The following FSTL5 variants were observed in gnomAD, a reference collection of about 807,000 sequenced individuals.
The protein encoded by FSTL5 is follistatin like 5.
A neutral mutation model predicts 89.1 loss-of-function variants in FSTL5; 62 were observed. That is an observed-to-expected ratio of 0.70 (90% CI 0.57 to 0.86). The LOEUF (loss-of-function observed/expected upper bound fraction) is 0.86, where lower values mean the gene tolerates loss of function less well. Ranked by LOEUF, FSTL5 falls within the 40% of genes least tolerant of loss-of-function variation. FSTL5 has a pLI of 0.00. For missense variants in FSTL5, 1,057 were observed against 1,001.6 expected (o/e 1.06, Z -0.75); for synonymous variants, 383 against 346.2 (o/e 1.11, Z -1.18).
intron 6 of FSTL5, among the ~76,000 whole-genome samples, chr4:161,721,818 T>C (rs564023910): frequency 6.6e-6 from 1 of 152,354 alleles, no homozygotes; most frequent in East Asian, 1.9e-4. Context: ...TAGAAATTCT[T>C]CAAACGCTTC....
At chr4:161,693,636 CT>C (rs5863476) in intron 6 of FSTL5, among the ~76,000 whole-genome samples, 1,136 of 105,262 alleles carry the variant, frequency 0.011, 3 homozygotes, top group South Asian at 0.045. Flanking sequence ...TCTTGTAAAT[CT>C]TTTTTTTTTT....
intron 7 of FSTL5, among the ~76,000 whole-genome samples, chr4:161,634,120 G>A (rs1184253576): frequency 6.6e-6 from 1 of 152,148 alleles, no homozygotes; most frequent in East Asian, 1.9e-4. Flanking sequence ...AATAGTTTCT[G>A]GATGGGAATG....
intron 7 of FSTL5, among the ~76,000 whole-genome samples, chr4:161,645,781 C>A (rs1736133737): frequency 6.6e-6 from 1 of 152,074 alleles, no homozygotes; most frequent in African/African-American, 2.4e-5. Flanking sequence ...GCTTTTGGAT[C>A]ATAAATATTC....
At chr4:161,666,342 G>A (rs1560778922) in intron 6 of FSTL5, among the ~76,000 whole-genome samples, 1 of 152,058 alleles carries the variant, frequency 6.6e-6, no homozygotes, top group Non-Finnish European at 1.5e-5. Context: ...GAAAATTTAA[G>A]CCAAAACCCT....
At chr4:161,679,599 A>G (rs1265246034) in intron 6 of FSTL5, among the ~76,000 whole-genome samples, 1 of 151,978 alleles carries the variant, frequency 6.6e-6, no homozygotes, top group Non-Finnish European at 1.5e-5. Context: ...AAATAATACA[A>G]AAACAGAATT....
At chr4:161,418,524 A>T (rs1731867092) in intron 15 of FSTL5, among the ~76,000 whole-genome samples, 1 of 152,176 alleles carries the variant, frequency 6.6e-6, no homozygotes, top group Admixed American at 6.5e-5. Flanking sequence ...TACGACAGTG[A>T]TCACTCACTA....
chr4:161,477,551 T>C (rs1729329225), intron 13 of FSTL5, among the ~76,000 whole-genome samples: 1 of 151,486 alleles, frequency 6.6e-6, no homozygotes, highest in Non-Finnish European at 1.5e-5. Context: ...GTCCTGACTT[T>C]ATATCTTAAT....
At chr4:161,730,033 C>T (rs1420558574) in intron 6 of FSTL5, among the ~76,000 whole-genome samples, 3 of 152,138 alleles carry the variant, frequency 2.0e-5, no homozygotes, top group Middle Eastern at 3.4e-3. Flanking sequence ...CAGCCTAGAG[C>T]GTTCTAAATA....
intron 1 of FSTL5, among the ~76,000 whole-genome samples, chr4:162,117,947 A>C (rs1731708847): frequency 6.6e-6 from 1 of 152,210 alleles, no homozygotes; most frequent in Admixed American, 6.5e-5. Flanking sequence ...TATTTGTTTG[A>C]ATTGACAAGT....
intron 4 of FSTL5, among the ~76,000 whole-genome samples, chr4:161,804,669 G>T (rs1415873082): frequency 6.6e-6 from 1 of 151,700 alleles, no homozygotes; most frequent in Non-Finnish European, 1.5e-5. Context: ...TGTGCCTAAC[G>T]AAATTTTTAA....
intron 3 of FSTL5, among the ~76,000 whole-genome samples, chr4:161,937,065 C>G (rs908236114): frequency 1.4e-4 from 21 of 152,192 alleles, no homozygotes; most frequent in Admixed American, 6.6e-4. Context: ...AGTAAACCCT[C>G]TAACATGAAA....
intron 1 of FSTL5, among the ~76,000 whole-genome samples, chr4:162,161,962 T>G (rs973070119): frequency 6.6e-6 from 1 of 152,186 alleles, no homozygotes. Context: ...TTATATATTC[T>G]TTTTTGCCCC....
At chr4:161,494,920 G>A (rs1454079481) in intron 12 of FSTL5, among the ~76,000 whole-genome samples, 1 of 152,116 alleles carries the variant, frequency 6.6e-6, no homozygotes, top group South Asian at 2.1e-4. Flanking sequence ...AAATTAATCA[G>A]ATTCAGTGGT....
intron 14 of FSTL5, among the ~76,000 whole-genome samples, chr4:161,458,302 TATA>T (rs759696505): frequency 3.3e-5 from 5 of 152,212 alleles, no homozygotes; most frequent in Non-Finnish European, 7.3e-5. Flanking sequence ...ACCAAAATAC[TATA>T]ATATTTTTTC....
chr4:161,649,139 A>T (rs1736249996), intron 7 of FSTL5, among the ~76,000 whole-genome samples: 1 of 152,188 alleles, frequency 6.6e-6, no homozygotes, highest in Admixed American at 6.5e-5. Flanking sequence ...AGATGTTCAG[A>T]TGACTAGAGG....
At chr4:162,073,782 C>T (rs1286092645) in intron 2 of FSTL5, among the ~76,000 whole-genome samples, 3 of 151,668 alleles carry the variant, frequency 2.0e-5, no homozygotes, top group Non-Finnish European at 1.5e-5. Context: ...TTACAGTACT[C>T]TTCCTTTTCA....
intron 8 of FSTL5, among the ~76,000 whole-genome samples, chr4:161,583,720 C>A (rs937700724): frequency 2.6e-5 from 4 of 152,154 alleles, no homozygotes; most frequent in Non-Finnish European, 4.4e-5. Context: ...CCTTAGTGGT[C>A]CACAGAGTCC....
At chr4:161,685,011 T>G (rs1737665080) in intron 6 of FSTL5, among the ~76,000 whole-genome samples, 1 of 152,270 alleles carries the variant, frequency 6.6e-6, no homozygotes, top group Non-Finnish European at 1.5e-5. Flanking sequence ...ATAGGTCCTT[T>G]CCCCTTTTTA....
At chr4:162,095,732 T>C (rs986623868) in intron 2 of FSTL5, among the ~76,000 whole-genome samples, 40 of 151,990 alleles carry the variant, frequency 2.6e-4, no homozygotes, top group African/African-American at 9.7e-4. Context: ...TTGTAGTTAC[T>C]TTTGGAGAAC....
Sources: allele counts gnomAD v4.1 joint callset (sites outside exome capture counted in the v4.1 genomes callset), GRCh38; gene constraint gnomAD v4.1.1; transcripts MANE v1.5; gene names NCBI Gene and HGNC (gene_info 2026-07-23, HGNC 2026-07-21).